The following FRMD4A variants were observed in gnomAD, a reference collection of about 807,000 sequenced individuals.
FRMD4A encodes the protein FERM domain-containing protein 4A.
A neutral mutation model predicts 129.1 loss-of-function variants in FRMD4A; 29 were observed. The observed-to-expected ratio is 0.22, with a 90% CI of 0.17 to 0.31. FRMD4A has a LOEUF of 0.31. Ranked by LOEUF, FRMD4A falls within the 10% of genes least tolerant of loss-of-function variation. FRMD4A has a pLI of 1.00. For synonymous variants in FRMD4A, 634 were observed against 571.6 expected (o/e 1.11, Z -1.56); for missense variants, 1,272 against 1,375.8 (o/e 0.92, Z 1.19).
chr10:14,226,039 T>G (rs1246957118), intron 2 of FRMD4A, among the ~76,000 whole-genome samples: 3 of 152,200 alleles, frequency 2.0e-5, no homozygotes, highest in East Asian at 3.8e-4. Flanking sequence ...TTTCATCTAT[T>G]TGAGATTTGA....
chr10:13,763,837 G>C (rs2092171522), intron 6 of FRMD4A, among the ~76,000 whole-genome samples: 1 of 152,160 alleles, frequency 6.6e-6, no homozygotes, highest in African/African-American at 2.4e-5. Flanking sequence ...CCAGGTACAA[G>C]TGATTTTCCT....
intron 2 of FRMD4A, among the ~76,000 whole-genome samples, chr10:13,926,213 AT>A (rs1360177193): frequency 6.6e-6 from 1 of 152,202 alleles, no homozygotes; most frequent in Non-Finnish European, 1.5e-5. Flanking sequence ...ATTGGAAAAC[AT>A]TTGTCAGCCT....
At chr10:13,892,032 C>A (rs1049341892) in intron 2 of FRMD4A, among the ~76,000 whole-genome samples, 8 of 151,468 alleles carry the variant, frequency 5.3e-5, no homozygotes, top group Non-Finnish European at 1.2e-4. Flanking sequence ...CCCCCGCCCC[C>A]CCAGAAAGCC....
chr10:13,981,384 A>G (rs1469104170), intron 2 of FRMD4A, among the ~76,000 whole-genome samples: 5 of 152,198 alleles, frequency 3.3e-5, no homozygotes, highest in African/African-American at 4.8e-5. Flanking sequence ...GAGGCCAGAA[A>G]CTAGGTATGC....
intron 2 of FRMD4A, among the ~76,000 whole-genome samples, chr10:13,905,882 T>C (rs983526169): frequency 6.6e-6 from 1 of 152,188 alleles, no homozygotes; most frequent in Non-Finnish European, 1.5e-5. Context: ...CTCAGATTGG[T>C]TTCTGGAGGA....
chr10:13,699,054 C>CTTTT (rs34061856), intron 14 of FRMD4A, among the ~76,000 whole-genome samples: 2 of 128,188 alleles, frequency 1.6e-5, no homozygotes, highest in Non-Finnish European at 3.2e-5. Context: ...CTACAATAAT[C>CTTTT]TTTTTTTTTT....
chr10:14,025,900 A>G (rs1832965796), intron 2 of FRMD4A, among the ~76,000 whole-genome samples: 1 of 152,190 alleles, frequency 6.6e-6, no homozygotes, highest in Non-Finnish European at 1.5e-5. Flanking sequence ...GTATCCTAAG[A>G]AAGATACTGC....
chr10:13,659,366 G>A lies in FRMD4A; in HGVS notation c.2023C>T (p.Pro675Ser). 6.2e-7 allele frequency: 1 copy of A among 1,614,176 alleles called. No individual in the cohort carries two copies. Among genetic ancestry groups the A allele is most frequent in the Non-Finnish European group, 8.5e-7 (1 of 1,179,990 alleles). Residue 675 changes from proline to serine, a missense_variant, in exon 21 of 25, where the codon CCA (proline) becomes TCA (serine). This residue lies in a region of FRMD4A where 972 missense variants were observed against 892.3 expected (regional missense o/e 1.09). Coordinates refer to ENST00000357447, the MANE Select transcript of FRMD4A (RefSeq NM_018027.5). ...WNSQSSMPST[P>S]DLRVRSPHYV... ...TGGGGACTCCGGACCCGCAGGTCTG[G>A]CGTGGACGGCATGCTGGACTGGGAG...
At chr10:14,100,245 A>G (rs1442676763) in intron 2 of FRMD4A, among the ~76,000 whole-genome samples, 1 of 152,212 alleles carries the variant, frequency 6.6e-6, no homozygotes, top group South Asian at 2.1e-4. Flanking sequence ...TCCATTTTCT[A>G]TCAGTTTTGT....
chr10:13,712,430 C>T (rs2088118398), intron 12 of FRMD4A, among the ~76,000 whole-genome samples: 1 of 151,964 alleles, frequency 6.6e-6, no homozygotes, highest in Admixed American at 6.6e-5. Flanking sequence ...AGGAGAATCG[C>T]TTGTACCCAG....
chr10:13,972,888 G>T (rs751532456), intron 2 of FRMD4A, among the ~76,000 whole-genome samples: 10 of 152,110 alleles, frequency 6.6e-5, no homozygotes, highest in Non-Finnish European at 2.9e-5. Context: ...AAGTCATAAG[G>T]CATGTTTGCC....
intron 15 of FRMD4A, among the ~76,000 whole-genome samples, chr10:13,683,129 C>T (rs1391124237): frequency 6.6e-6 from 1 of 152,186 alleles, no homozygotes; most frequent in Non-Finnish European, 1.5e-5. Context: ...AGTGATTCTC[C>T]TGCCTCAGCC....
chr10:13,846,116 A>G (rs553887270), intron 3 of FRMD4A, among the ~76,000 whole-genome samples: 1 of 152,340 alleles, frequency 6.6e-6, no homozygotes, highest in South Asian at 2.1e-4. Flanking sequence ...AACGCTTAGA[A>G]CAGAGTCTGG....
rs115628573 is a variant in FRMD4A at position 13,822,468 on chromosome 10, C to T, written c.112-11560G>A. Among the ~76,000 whole-genome samples the T allele has an allele frequency of 6.8e-3, 1,033 of 152,324 alleles. 9 individuals are homozygous for T. Among genetic ancestry groups the T allele is most frequent in the African/African-American group, 0.023 (977 of 41,580 alleles). On this transcript the variant is annotated intron_variant, in intron 3 of 24. Coordinates refer to ENST00000357447, the MANE Select transcript of FRMD4A (RefSeq NM_018027.5). ...CATTTGATCGACATTTGTGGACTTA[C>T]ACCCCAATACAGTCCCTGACACACA...
intron 5 of FRMD4A, among the ~76,000 whole-genome samples, chr10:13,787,856 C>G (rs1016182281): frequency 7.1e-6 from 1 of 141,626 alleles, no homozygotes; most frequent in African/African-American, 2.6e-5. Context: ...CCGAGGCAGG[C>G]AGATCTGTCT....
chr10:14,184,927 G>A (rs1842039396), intron 2 of FRMD4A, among the ~76,000 whole-genome samples: 1 of 152,162 alleles, frequency 6.6e-6, no homozygotes, highest in Non-Finnish European at 1.5e-5. Flanking sequence ...GACCGCTAAA[G>A]TCGTGTAGGG....
Position 13,656,616 on chromosome 10 carries a change from A to ACCTCTCAC in FRMD4A, c.2953+19_2953+20insGTGAGAGG. The ACCTCTCAC allele has an allele frequency of 7.2e-7, 1 of 1,382,236 alleles. No individual in the cohort carries two copies. The highest frequency in any genetic ancestry group is 1.9e-5 in the South Asian group (1 of 52,946). 85.6% of individuals were successfully genotyped at this position (1,382,236 alleles called of 1,614,324 possible). A position where few individuals can be genotyped will look rare whatever the true frequency, so the allele number is the denominator to read the frequency against. On this transcript the variant is annotated intron_variant, in intron 22 of 24. Coordinates refer to ENST00000357447, the MANE Select transcript of FRMD4A (RefSeq NM_018027.5). ...TTCGCCCTCAGGTCTTCCCGCGTGCACCTGGCCGCCCCCTCTCACCTGACG... is the reference window on the plus strand; with the variant it reads ...TTCGCCCTCAGGTCTTCCCGCGTGCACCTCTCACCCTGGCCGCCCCCTCTCACCTGACG...
intron 2 of FRMD4A, among the ~76,000 whole-genome samples, chr10:14,266,577 G>A (rs555601026): frequency 1.5e-3 from 233 of 151,852 alleles, no homozygotes; most frequent in Admixed American, 4.1e-3. Context: ...AAAACATAAA[G>A]CAGAAAAATC....
At chr10:14,097,892 A>T (rs1837062020) in intron 2 of FRMD4A, among the ~76,000 whole-genome samples, 1 of 146,986 alleles carries the variant, frequency 6.8e-6, no homozygotes, top group East Asian at 2.0e-4. Context: ...TATAATTTAC[A>T]ATATGCATTA....
Sources: allele counts gnomAD v4.1 joint callset (sites outside exome capture counted in the v4.1 genomes callset), GRCh38; gene constraint gnomAD v4.1.1; regional missense constraint gnomAD v4.1.1; transcripts MANE v1.5; gene names NCBI Gene and HGNC (gene_info 2026-07-23, HGNC 2026-07-21).